Variants in NHSL2 observed in about 807,000 individuals in gnomAD.
NHSL2 encodes the protein NHS like 2, also known as NHS-like protein 2.
Under a neutral mutation model 53.4 loss-of-function variants are expected in NHSL2, and 27 were observed. That is an observed-to-expected ratio of 0.51 (90% CI 0.37 to 0.70). The LOEUF is 0.70. Ranked by LOEUF, NHSL2 falls within the 30% of genes least tolerant of loss-of-function variation. The probability of loss-of-function intolerance (pLI) is 0.00; values close to 1 mark genes in which losing one functional copy is unlikely to be tolerated. For synonymous variants in NHSL2, 408 were observed against 404.1 expected, an observed-to-expected ratio of 1.01 and a Z score of -0.12; for missense variants, 892 against 980.1, an observed-to-expected ratio of 0.91 and a Z score of 1.20.
At chrX:72,061,603 A>G (rs772167742) in intron 1 of NHSL2, among the ~76,000 whole-genome samples, 6 of 112,182 alleles carry the variant, frequency 5.3e-5, no homozygotes, top group Non-Finnish European at 9.4e-5. Flanking sequence ...CTTTGTTTAC[A>G]TAGCAGACAT....
chrX:71,929,056 C>T (rs1007087108), intron 1 of NHSL2, among the ~76,000 whole-genome samples: 2 of 111,240 alleles, frequency 1.8e-5, no homozygotes, highest in Non-Finnish European at 3.8e-5. Flanking sequence ...GCAGACCTAC[C>T]GTGGAGGCAG....
intron 6 of NHSL2, 161 bp downstream of exon 6, chrX:72,140,932 G>T (rs931264123): frequency 2.2e-6 from 1 of 445,829 alleles, no homozygotes; most frequent in Non-Finnish European, 3.8e-6. Context: ...TAGGAACCAC[G>T]GGCTGGCCTT....
chrX:72,063,278 C>T (rs1464236768), intron 1 of NHSL2, among the ~76,000 whole-genome samples: 1 of 112,616 alleles, frequency 8.9e-6, no homozygotes, highest in Non-Finnish European at 1.9e-5. Context: ...TGTTCCTTGG[C>T]CATTAATGAC....
chrX:72,126,719 C>A (rs1159294291), intron 1 of NHSL2, among the ~76,000 whole-genome samples: 1 of 111,747 alleles, frequency 8.9e-6, no homozygotes, highest in East Asian at 2.8e-4. Context: ...ACTTGTGATT[C>A]ATCACCAGCT....
intron 1 of NHSL2, among the ~76,000 whole-genome samples, chrX:72,047,810 A>G (rs1469947724): frequency 9.0e-6 from 1 of 111,014 alleles, no homozygotes; most frequent in East Asian, 2.8e-4. Context: ...TCAGTGGAGC[A>G]AGTCTAAATA....
At chrX:71,956,649 C>T (rs1036081619) in intron 1 of NHSL2, among the ~76,000 whole-genome samples, 4 of 111,486 alleles carry the variant, frequency 3.6e-5, no homozygotes, top group Admixed American at 1.9e-4. Flanking sequence ...AGAGTGATGT[C>T]GGGTTCTGAG....
intron 1 of NHSL2, among the ~76,000 whole-genome samples, chrX:71,983,489 A>G (rs1337478515): frequency 1.8e-5 from 2 of 108,838 alleles, no homozygotes; most frequent in East Asian, 5.8e-4. Context: ...CACACACCTG[A>G]AGTTCCAGCT....
Position 72,142,362 on chromosome X carries a change from C to T in NHSL2, c.3354C>T (p.His1118=), listed in dbSNP as rs1281710364. The change falls in exon 7 of 8, where the codon CAC becomes CAT. Residue 1118 remains histidine, a splice_region_variant and synonymous_variant. Transcript: ENST00000633930. ...CTGAAGATTTATTTACTGTGATACA[C>T]AGGTCTGCACCAATTTCCTTAATTC... ...RTTEDLFTVI[H]RSKRKLLGWK... 10 of 1,138,977 alleles carry T rather than the reference C, an allele frequency of 8.8e-6. No individual in the cohort carries two copies. The highest frequency in any genetic ancestry group is 1.2e-5 in the Non-Finnish European group (10 of 855,446). The allele number at this position is 1,138,977 out of a possible 1,213,427, so 93.9% of individuals were successfully genotyped here.
intron 1 of NHSL2, among the ~76,000 whole-genome samples, chrX:72,118,345 A>G (rs995434088): frequency 6.3e-5 from 7 of 111,550 alleles, no homozygotes; most frequent in Non-Finnish European, 9.4e-5. Flanking sequence ...TTCTCCTTTG[A>G]TTTGTAAGAT....
intron 1 of NHSL2, among the ~76,000 whole-genome samples, chrX:71,981,323 A>T (rs1457189678): frequency 8.9e-6 from 1 of 111,906 alleles, no homozygotes; most frequent in East Asian, 2.8e-4. Context: ...AGGCGGGTGG[A>T]TCACTTGAGG....
At chrX:72,075,468 G>A (rs1241220443) in intron 1 of NHSL2, among the ~76,000 whole-genome samples, 1 of 112,448 alleles carries the variant, frequency 8.9e-6, no homozygotes, top group African/African-American at 3.2e-5. Flanking sequence ...AGTGCTGGGT[G>A]CCATTGAAAT....
At chrX:72,007,399 G>A (rs949875310) in intron 1 of NHSL2, among the ~76,000 whole-genome samples, 1 of 112,578 alleles carries the variant, frequency 8.9e-6, no homozygotes, top group African/African-American at 3.2e-5. Context: ...GGGATCAAAT[G>A]GCAGCTACCC....
At chrX:71,985,664 A>C (rs1469139866) in intron 1 of NHSL2, among the ~76,000 whole-genome samples, 1 of 112,513 alleles carries the variant, frequency 8.9e-6, no homozygotes, top group Non-Finnish European at 1.9e-5. Flanking sequence ...AAAACAAAAC[A>C]AAAGGATCCG....
At chrX:71,957,972 T>C (rs1463334801) in intron 1 of NHSL2, among the ~76,000 whole-genome samples, 2 of 110,228 alleles carry the variant, frequency 1.8e-5, no homozygotes, top group Non-Finnish European at 3.8e-5. Flanking sequence ...GGAGGGACGC[T>C]CACATCTGGC....
intron 1 of NHSL2, among the ~76,000 whole-genome samples, chrX:71,985,793 G>C: frequency 8.9e-6 from 1 of 112,077 alleles, no homozygotes; most frequent in Non-Finnish European, 1.9e-5. Context: ...AGTCTTGAAA[G>C]TTTTTCCTCT....
intron 1 of NHSL2, among the ~76,000 whole-genome samples, chrX:71,940,930 G>A (rs1384122611): frequency 8.9e-6 from 1 of 112,021 alleles, no homozygotes; most frequent in African/African-American, 3.2e-5. Context: ...TGGAGTAGGA[G>A]CAGAAAGGGT....
At chrX:72,064,500 G>A (rs1190635787) in intron 1 of NHSL2, among the ~76,000 whole-genome samples, 1 of 111,873 alleles carries the variant, frequency 8.9e-6, no homozygotes. Flanking sequence ...TGACAGGGTG[G>A]TTGTGAGGAG....
At chrX:72,087,391 G>C (rs760856875) in intron 1 of NHSL2, among the ~76,000 whole-genome samples, 248 of 112,580 alleles carry the variant, frequency 2.2e-3, no homozygotes, top group Non-Finnish European at 4.2e-3. Flanking sequence ...ATCAGTTACA[G>C]TGTGTCTGTT....
chrX:72,136,171 A>C (rs73624215), intron 4 of NHSL2, among the ~76,000 whole-genome samples: 4,653 of 111,318 alleles, frequency 0.042, 147 homozygotes, highest in East Asian at 0.15. Flanking sequence ...GGGGAATCAC[A>C]GACCTCGCCC....
Sources: gnomAD v4.1 joint callset for allele counts (sites outside exome capture counted in the v4.1 genomes callset) on GRCh38, gnomAD v4.1.1 for gene constraint, MANE v1.5 for transcripts, NCBI Gene and HGNC (gene_info 2026-07-23, HGNC 2026-07-21) for gene names.